The following EFNA5 variants were observed in gnomAD, a reference collection of about 807,000 sequenced individuals.
EFNA5 encodes ephrin-A5.
In EFNA5, 5 loss-of-function variants were observed where a neutral mutation model predicts 22.9. That is an observed-to-expected ratio of 0.22 (90% CI 0.11 to 0.46). EFNA5 has a LOEUF of 0.46. Ranked by LOEUF, EFNA5 falls within the 20% of genes least tolerant of loss-of-function variation. EFNA5 has a pLI of 0.99. For missense variants in EFNA5, 237 were observed against 293.3 expected, an observed-to-expected ratio of 0.81 and a Z score of 1.40; for synonymous variants, 113 against 112.2, an observed-to-expected ratio of 1.01 and a Z score of -0.04.
chr5:107,467,466 T>C (rs576553223), intron 1 of EFNA5, among the ~76,000 whole-genome samples: 1 of 152,132 alleles, frequency 6.6e-6, no homozygotes, highest in South Asian at 2.1e-4. Context: ...AATATGTACA[T>C]TCATAGCAAA....
At chr5:107,440,677 A>G (rs568167136) in intron 1 of EFNA5, among the ~76,000 whole-genome samples, 16 of 152,326 alleles carry the variant, frequency 1.1e-4, no homozygotes, top group Middle Eastern at 3.4e-3. Flanking sequence ...CGACGTACAC[A>G]TTAACATTTT....
chr5:107,388,053 T>C (rs1378422006), intron 2 of EFNA5, among the ~76,000 whole-genome samples: 2 of 152,208 alleles, frequency 1.3e-5, no homozygotes, highest in East Asian at 1.9e-4. Flanking sequence ...TATTTCAAAG[T>C]CTCTTCCATT....
intron 1 of EFNA5, among the ~76,000 whole-genome samples, chr5:107,547,075 C>T (rs1465114025): frequency 6.6e-6 from 1 of 152,168 alleles, no homozygotes; most frequent in Admixed American, 6.5e-5. Flanking sequence ...AAGCAACCAC[C>T]AGTGGACTGT....
intron 1 of EFNA5, among the ~76,000 whole-genome samples, chr5:107,601,444 T>C (rs1340646832): frequency 6.6e-6 from 1 of 152,164 alleles, no homozygotes; most frequent in Non-Finnish European, 1.5e-5. Context: ...GAAGTAAGTG[T>C]AACTCTGAGA....
intron 1 of EFNA5, among the ~76,000 whole-genome samples, chr5:107,670,096 G>A (rs1372272650): frequency 6.7e-6 from 1 of 149,418 alleles, no homozygotes; most frequent in East Asian, 2.0e-4. Flanking sequence ...CAGTCCCTGC[G>A]GACCCACGCT....
intron 1 of EFNA5, among the ~76,000 whole-genome samples, chr5:107,453,070 T>G (rs1749602307): frequency 6.6e-6 from 1 of 152,184 alleles, no homozygotes. Flanking sequence ...GGCTTCTTTC[T>G]AAAGACACTT....
At chr5:107,503,268 A>T (rs888159797) in intron 1 of EFNA5, among the ~76,000 whole-genome samples, 10 of 152,162 alleles carry the variant, frequency 6.6e-5, no homozygotes, top group African/African-American at 2.4e-4. Flanking sequence ...TGCACAGTGA[A>T]CAAAATACTA....
intron 1 of EFNA5, among the ~76,000 whole-genome samples, chr5:107,596,353 T>C (rs959824854): frequency 6.6e-6 from 1 of 152,320 alleles, no homozygotes; most frequent in South Asian, 2.1e-4. Context: ...ATACCTCATA[T>C]AAGTAGAATC....
At chr5:107,594,735 A>G (rs1031362019) in intron 1 of EFNA5, among the ~76,000 whole-genome samples, 15 of 152,202 alleles carry the variant, frequency 9.9e-5, no homozygotes, top group Non-Finnish European at 2.1e-4. Context: ...CTCCCCTGAC[A>G]GGCCTTATAG....
intron 1 of EFNA5, 92 bp from the exon 2 acceptor site, chr5:107,427,601 T>C (rs1318752274): frequency 2.5e-6 from 3 of 1,203,056 alleles, no homozygotes; most frequent in African/African-American, 3.1e-5. Flanking sequence ...ATTTTGGAGC[T>C]AAAGCATCTA....
chr5:107,451,601 T>C (rs995777268), intron 1 of EFNA5, among the ~76,000 whole-genome samples: 36 of 152,034 alleles, frequency 2.4e-4, no homozygotes, highest in Non-Finnish European at 4.3e-4. Context: ...GGTGAATAGA[T>C]GAATGAATGA....
At chr5:107,631,774 T>C (rs1269768470) in intron 1 of EFNA5, among the ~76,000 whole-genome samples, 1 of 152,204 alleles carries the variant, frequency 6.6e-6, no homozygotes, top group Non-Finnish European at 1.5e-5. Flanking sequence ...GGAAATAAAG[T>C]TATCAGAATA....
chr5:107,556,497 G>C (rs1461312878), intron 1 of EFNA5, among the ~76,000 whole-genome samples: 1 of 152,132 alleles, frequency 6.6e-6, no homozygotes. Flanking sequence ...TGTGATCCCA[G>C]CACTTTGGGA....
intron 1 of EFNA5, among the ~76,000 whole-genome samples, chr5:107,465,339 C>T (rs897216566): frequency 3.3e-5 from 5 of 152,124 alleles, no homozygotes; most frequent in Non-Finnish European, 7.3e-5. Flanking sequence ...GTCATTTCTC[C>T]CTGTTTCCTA....
At chr5:107,473,857 C>T (rs577075851) in intron 1 of EFNA5, among the ~76,000 whole-genome samples, 2 of 152,040 alleles carry the variant, frequency 1.3e-5, no homozygotes, top group Non-Finnish European at 2.9e-5. Flanking sequence ...GATGGGGTTC[C>T]ACCATGTTAT....
At position 107,583,286 on chromosome 5, in the gene EFNA5, A is replaced by G. The variant is rs977357454; in HGVS notation, c.125+87203T>C. Among the ~76,000 whole-genome samples the G allele has an allele frequency of 6.6e-5, 10 of 152,346 alleles. No homozygotes were observed. The East Asian group carries it at 7.7e-4, about 12-fold the overall frequency. On this transcript the variant is annotated intron_variant, in intron 1 of 4. Coordinates refer to ENST00000333274, the MANE Select transcript of EFNA5 (RefSeq NM_001962.3). The stretch of plus-strand genomic sequence containing the variant: ...CCAAATAAGTCTGGCTAAATTTAAA[A>G]CAACTCAAAGTGAAGTAGGAATAAT...
chr5:107,521,764 A>G (rs1747604526), intron 1 of EFNA5, among the ~76,000 whole-genome samples: 1 of 152,180 alleles, frequency 6.6e-6, no homozygotes, highest in African/African-American at 2.4e-5. Context: ...TGTCCCTTTC[A>G]TACCATCGTA....
At chr5:107,437,874 A>G (rs559935389) in intron 1 of EFNA5, among the ~76,000 whole-genome samples, 1 of 152,166 alleles carries the variant, frequency 6.6e-6, no homozygotes, top group Non-Finnish European at 1.5e-5. Flanking sequence ...AAAAAAGGAA[A>G]ATGATAACCA....
intron 1 of EFNA5, among the ~76,000 whole-genome samples, chr5:107,435,315 C>CTTTTTTTTTTTTTTTTTTTTTT (rs3999107): frequency 1.5e-4 from 16 of 104,644 alleles, no homozygotes; most frequent in African/African-American, 5.6e-4. Context: ...TGAAGATGCT[C>CTTTTTTTTTTTTTTTTTTTTTT]TTTTTTTTTT....
Sources: gnomAD v4.1 joint callset for allele counts (sites outside exome capture counted in the v4.1 genomes callset) on GRCh38, gnomAD v4.1.1 for gene constraint, MANE v1.5 for transcripts, NCBI Gene and HGNC (gene_info 2026-07-23, HGNC 2026-07-21) for gene names.